The following KIF6 variants were observed in gnomAD, a reference collection of about 807,000 sequenced individuals.
The protein encoded by KIF6 is kinesin family member 6.
A neutral mutation model predicts 112.7 loss-of-function variants in KIF6; 106 were observed. That is an observed-to-expected ratio of 0.94 (90% CI 0.80 to 1.11). KIF6 has a LOEUF of 1.11. KIF6 is among the 50% of genes least tolerant of loss of function. KIF6 has a pLI of 0.00. For synonymous variants in KIF6, 339 were observed against 339.9 expected (o/e 1.00, Z 0.03); for missense variants, 929 against 964.0 (o/e 0.96, Z 0.48).
chr6:39,333,613 A>G lies in KIF6; in HGVS notation c.*2919T>C, dbSNP rs1379238892. On this transcript the variant is annotated 3_prime_UTR_variant, in exon 23 of 23. Coordinates refer to ENST00000287152, the MANE Select transcript of KIF6 (RefSeq NM_145027.6). ...AACACCACATTAGTCAAAGTGGGCC[A>G]TGACAAAGCTTTGGATGTGTAATTC... 2.0e-5 allele frequency: 3 copies of G among 152,364 alleles called. No individual in the cohort carries two copies. In the East Asian group the frequency reaches 5.8e-4, roughly 29 times the overall value. The allele number at this position is 152,364 out of a possible 1,614,324, so 9.4% of individuals were successfully genotyped here.
intron 3 of KIF6, among the ~76,000 whole-genome samples, chr6:39,668,948 G>A (rs1336279339): frequency 1.3e-5 from 2 of 152,028 alleles, no homozygotes; most frequent in African/African-American, 4.8e-5. Context: ...ACTAGATATT[G>A]AGCAACTTTG....
intron 13 of KIF6, among the ~76,000 whole-genome samples, chr6:39,440,260 G>T (rs1771835197): frequency 6.6e-6 from 1 of 152,028 alleles, no homozygotes; most frequent in Non-Finnish European, 1.5e-5. Context: ...ATTCACGGTG[G>T]GAATCGTATT....
At chr6:39,701,892 T>G (rs957944316) in intron 3 of KIF6, among the ~76,000 whole-genome samples, 2 of 152,242 alleles carry the variant, frequency 1.3e-5, no homozygotes, top group Admixed American at 6.5e-5. Flanking sequence ...ACATTCAATA[T>G]GAACTCAAAA....
At chr6:39,566,517 C>T (rs1780286497) in intron 10 of KIF6, among the ~76,000 whole-genome samples, 1 of 152,168 alleles carries the variant, frequency 6.6e-6, no homozygotes, top group Non-Finnish European at 1.5e-5. Flanking sequence ...TATGGACATT[C>T]CATTCTGGCA....
At chr6:39,542,128 A>G (rs2150565542) in intron 12 of KIF6, among the ~76,000 whole-genome samples, 1 of 152,250 alleles carries the variant, frequency 6.6e-6, no homozygotes, top group Middle Eastern at 3.4e-3. Flanking sequence ...CAGAGCAAGG[A>G]GTTTGGTTTC....
intron 8 of KIF6, 61 bp downstream of exon 8, chr6:39,586,200 C>A: frequency 6.3e-7 from 1 of 1,579,338 alleles, no homozygotes; most frequent in Non-Finnish European, 8.7e-7. Flanking sequence ...GCCTCAACTC[C>A]GTCTCACGTG....
At chr6:39,652,575 A>C (rs1785538365) in intron 3 of KIF6, among the ~76,000 whole-genome samples, 1 of 151,962 alleles carries the variant, frequency 6.6e-6, no homozygotes, top group South Asian at 2.1e-4. Context: ...AAACAAAAAA[A>C]CTTTAGTCTT....
chr6:39,377,856 G>T (rs956480091), intron 16 of KIF6, among the ~76,000 whole-genome samples: 2 of 151,996 alleles, frequency 1.3e-5, no homozygotes, highest in African/African-American at 2.4e-5. Flanking sequence ...CATCACAGTC[G>T]AATGGCTTGT....
At chr6:39,472,884 G>A (rs1317961812) in intron 13 of KIF6, among the ~76,000 whole-genome samples, 2 of 76,438 alleles carry the variant, frequency 2.6e-5, no homozygotes, top group African/African-American at 2.2e-4. Context: ...TTTTGAGATG[G>A]AGTTTCACTC....
intron 7 of KIF6, among the ~76,000 whole-genome samples, chr6:39,588,760 T>G (rs1488476758): frequency 1.3e-5 from 2 of 152,164 alleles, no homozygotes; most frequent in Admixed American, 6.5e-5. Context: ...TTGATTTGTC[T>G]TCATCCCCAA....
chr6:39,707,641 G>A (rs1789293918), intron 3 of KIF6, among the ~76,000 whole-genome samples: 1 of 152,162 alleles, frequency 6.6e-6, no homozygotes, highest in South Asian at 2.1e-4. Flanking sequence ...ACTTAGTAAG[G>A]GGAATAGAGA....
chr6:39,500,829 G>T (rs1047869469), intron 13 of KIF6, among the ~76,000 whole-genome samples: 14 of 152,258 alleles, frequency 9.2e-5, no homozygotes, highest in African/African-American at 3.1e-4. Context: ...GAGAAGCAGA[G>T]AGGTGGAAGC....
intron 13 of KIF6, among the ~76,000 whole-genome samples, chr6:39,457,845 C>G (rs1459683492): frequency 6.6e-6 from 1 of 151,658 alleles, no homozygotes; most frequent in Admixed American, 6.6e-5. Context: ...TCTGAATAGA[C>G]CAATAACAGG....
chr6:39,441,215 A>G (rs1340499925), intron 13 of KIF6, among the ~76,000 whole-genome samples: 1 of 152,202 alleles, frequency 6.6e-6, no homozygotes, highest in Non-Finnish European at 1.5e-5. Context: ...GAAACTAATC[A>G]TAGCATTAGA....
chr6:39,380,516 A>G (rs1368584794), intron 16 of KIF6, among the ~76,000 whole-genome samples: 1 of 152,194 alleles, frequency 6.6e-6, no homozygotes, highest in Non-Finnish European at 1.5e-5. Flanking sequence ...AATCCTTATA[A>G]AAGCACATGC....
chr6:39,441,089 G>A (rs1771895993), intron 13 of KIF6, among the ~76,000 whole-genome samples: 1 of 152,186 alleles, frequency 6.6e-6, no homozygotes, highest in African/African-American at 2.4e-5. Flanking sequence ...TAGGAAGGAG[G>A]AGTTTTTGAA....
chr6:39,337,195 C>CTTTA (rs1206669220), intron 22 of KIF6, among the ~76,000 whole-genome samples: 1 of 91,090 alleles, frequency 1.1e-5, no homozygotes, highest in Non-Finnish European at 1.9e-5. Context: ...TTCTTTCTTT[C>CTTTA]TTTCTTTCTT....
intron 13 of KIF6, among the ~76,000 whole-genome samples, chr6:39,516,376 A>G (rs917140669): frequency 4.0e-5 from 6 of 148,666 alleles, no homozygotes; most frequent in Non-Finnish European, 7.4e-5. Context: ...TTAAAAATAT[A>G]TAATCATTAT....
intron 6 of KIF6, among the ~76,000 whole-genome samples, chr6:39,604,109 A>G (rs1428540293): frequency 1.3e-5 from 2 of 149,904 alleles, no homozygotes; most frequent in African/African-American, 4.8e-5. Context: ...AACACTTTCT[A>G]CACTGATACT....
Sources: allele counts gnomAD v4.1 joint callset (sites outside exome capture counted in the v4.1 genomes callset), GRCh38; gene constraint gnomAD v4.1.1; transcripts MANE v1.5; gene names NCBI Gene and HGNC (gene_info 2026-07-23, HGNC 2026-07-21).